The following GLCCI1 variants were observed in gnomAD, a reference collection of about 807,000 sequenced individuals.
The protein encoded by GLCCI1 is glucocorticoid induced 1.
GLCCI1 carries 24 observed loss-of-function variants against 52.2 expected under a neutral mutation model. That is an observed-to-expected ratio of 0.46 (90% CI 0.33 to 0.65). GLCCI1 has a LOEUF of 0.65. Ranked by LOEUF, GLCCI1 falls within the 30% of genes least tolerant of loss-of-function variation. GLCCI1 has a pLI of 0.02. For synonymous variants in GLCCI1, 310 were observed against 276.5 expected (o/e 1.12, Z -1.20); for missense variants, 704 against 701.5 (o/e 1.00, Z -0.04).
intron 4 of GLCCI1, among the ~76,000 whole-genome samples, chr7:8,056,623 A>G (rs1417827562): frequency 6.6e-6 from 1 of 152,198 alleles, no homozygotes; most frequent in Non-Finnish European, 1.5e-5. Context: ...TTTGTTTCAC[A>G]AAGATAAGGA....
chr7:8,079,576 A>G (rs1373437457), intron 6 of GLCCI1, among the ~76,000 whole-genome samples: 1 of 151,574 alleles, frequency 6.6e-6, no homozygotes, highest in East Asian at 1.9e-4. Context: ...AGTAGTTAGC[A>G]TATCAACAAT....
intron 6 of GLCCI1, among the ~76,000 whole-genome samples, chr7:8,078,031 G>A (rs896772978): frequency 3.6e-4 from 54 of 151,690 alleles, no homozygotes; most frequent in East Asian, 1.9e-4. Flanking sequence ...TCAGGAAATC[G>A]AGACCATCCT....
At chr7:8,001,666 C>T (rs111716528) in intron 1 of GLCCI1, among the ~76,000 whole-genome samples, 48 of 152,248 alleles carry the variant, frequency 3.2e-4, no homozygotes, top group African/African-American at 1.0e-3. Context: ...ATGTTTATTG[C>T]GGCACTATTC....
At chr7:8,064,582 AG>A (rs1351389633) in intron 5 of GLCCI1, among the ~76,000 whole-genome samples, 1 of 152,124 alleles carries the variant, frequency 6.6e-6, no homozygotes, top group Non-Finnish European at 1.5e-5. Context: ...TGGCTGTTCA[AG>A]CTCCTTTTTG....
intron 2 of GLCCI1, among the ~76,000 whole-genome samples, chr7:8,006,441 G>T (rs1284003368): frequency 1.3e-5 from 2 of 152,160 alleles, no homozygotes; most frequent in Admixed American, 6.5e-5. Context: ...TTTTTTATCT[G>T]TGCAGTGGGG....
chr7:7,980,444 G>T, intron 1 of GLCCI1: 1 of 258,908 alleles, frequency 3.9e-6, no homozygotes, highest in South Asian at 1.0e-4. Context: ...GCAGTGCCAA[G>T]CATCTAGAAG....
rs1307064484 is a variant in GLCCI1 at position 8,061,679 on chromosome 7, T to C, written c.966+1431T>C. ...ACTCTTTTTTTTTTTTTTTTTTTTT[T>C]TTTTTGAGACAGGGTCTCGTTCTGT... On this transcript the variant is annotated intron_variant, in intron 5 of 7. Coordinates refer to ENST00000223145, the MANE Select transcript of GLCCI1 (RefSeq NM_138426.4). 4.7e-4 allele frequency among the ~76,000 whole-genome samples: 49 copies of C among 105,308 alleles called. No individual in the cohort carries two copies. In the Admixed American group the frequency reaches 4.9e-3, roughly 11 times the overall value. The allele number at this position is 105,308 out of a possible 152,430, so 69.1% of individuals were successfully genotyped here.
intron 2 of GLCCI1, among the ~76,000 whole-genome samples, chr7:8,011,020 G>A (rs1235749918): frequency 2.0e-5 from 3 of 151,946 alleles, no homozygotes; most frequent in East Asian, 1.9e-4. Flanking sequence ...TCAGGAGGCT[G>A]AGGCAAGAGA....
At chr7:7,992,107 T>TTTTC (rs1491100629) in intron 1 of GLCCI1, among the ~76,000 whole-genome samples, 1 of 141,310 alleles carries the variant, frequency 7.1e-6, no homozygotes, top group South Asian at 2.3e-4. Flanking sequence ...TTCTGTCTGT[T>TTTTC]TCTCTCTCTC....
At position 8,085,135 on chromosome 7, in the gene GLCCI1, A is replaced by T. The variant is rs1783076843; in HGVS notation, c.1298+118A>T. ...CAGCTGATAATGTGTTTCAAGAGCA[A>T]ATTATGTAAAGAGAATTGAATAGGC... On this transcript the variant is annotated intron_variant, in intron 7 of 7. Coordinates refer to ENST00000223145, the MANE Select transcript of GLCCI1 (RefSeq NM_138426.4). 3 of 1,124,548 alleles carry T rather than the reference A, an allele frequency of 2.7e-6. No individual in the cohort carries two copies. In the South Asian group the frequency reaches 4.7e-5, roughly 18 times the overall value. 69.7% of individuals were successfully genotyped at this position (1,124,548 alleles called of 1,614,324 possible).
intron 2 of GLCCI1, among the ~76,000 whole-genome samples, chr7:8,018,720 A>G (rs1315602225): frequency 1.3e-5 from 2 of 152,018 alleles, no homozygotes; most frequent in African/African-American, 4.8e-5. Context: ...CTTTTTTGTT[A>G]ATAGTCTTAC....
chr7:8,040,956 T>A (rs879240026), intron 3 of GLCCI1, among the ~76,000 whole-genome samples: 1 of 152,146 alleles, frequency 6.6e-6, no homozygotes, highest in Non-Finnish European at 1.5e-5. Flanking sequence ...TTCAAATGAA[T>A]GAGAGAGTCA....
intron 6 of GLCCI1, among the ~76,000 whole-genome samples, chr7:8,075,532 C>G (rs1584023095): frequency 6.6e-6 from 1 of 152,320 alleles, no homozygotes; most frequent in East Asian, 1.9e-4. Context: ...TTATATAATA[C>G]AGATGGCAGT....
rs537920233 is a variant in GLCCI1 at position 8,071,072 on chromosome 7, C to T, written c.1118C>T (p.Pro373Leu). Reference sequence around the variant, plus strand: ...CCCTGTGTCTCCCCTTTTTGTCCCCCGGAATCCCAGGATGGTAGCCCTTGC... The same window carrying T: ...CCCTGTGTCTCCCCTTTTTGTCCCCTGGAATCCCAGGATGGTAGCCCTTGC... ...HSPCVSPFCP[P>L]ESQDGSPCST... The change falls in exon 6 of 8, where the codon CCG becomes CTG. Residue 373 changes from proline to leucine, a missense_variant. Coordinates refer to ENST00000223145, the MANE Select transcript of GLCCI1 (RefSeq NM_138426.4). 7.4e-6 allele frequency: 12 copies of T among 1,614,162 alleles called. No homozygotes were observed. The highest frequency in any genetic ancestry group is 5.0e-5 in the Admixed American group (3 of 60,018).
chr7:8,049,917 A>G (rs1364935568), intron 3 of GLCCI1, among the ~76,000 whole-genome samples: 2 of 152,234 alleles, frequency 1.3e-5, no homozygotes, highest in Non-Finnish European at 1.5e-5. Context: ...GAGGCATCAG[A>G]TGGATTTGTG....
At chr7:7,984,001 C>T (rs1237575066) in intron 1 of GLCCI1, among the ~76,000 whole-genome samples, 1 of 152,162 alleles carries the variant, frequency 6.6e-6, no homozygotes, top group Non-Finnish European at 1.5e-5. Context: ...TTCTAAGTTA[C>T]ATTTAAAGTT....
intron 5 of GLCCI1, among the ~76,000 whole-genome samples, chr7:8,069,508 G>T (rs891627363): frequency 6.6e-6 from 1 of 152,180 alleles, no homozygotes; most frequent in South Asian, 2.1e-4. Context: ...GTTCAGCCAG[G>T]GGGTGGGGCA....
chr7:8,024,487 T>C (rs1339129033), intron 3 of GLCCI1, among the ~76,000 whole-genome samples: 1 of 152,244 alleles, frequency 6.6e-6, no homozygotes, highest in African/African-American at 2.4e-5. Flanking sequence ...GTCTTAGAGT[T>C]ATCAACGAGA....
intron 3 of GLCCI1, among the ~76,000 whole-genome samples, chr7:8,023,490 C>G (rs1781539480): frequency 6.8e-6 from 1 of 148,148 alleles, no homozygotes; most frequent in Non-Finnish European, 1.5e-5. Flanking sequence ...TTTTCTATTT[C>G]TTTTTACAAA....
Sources: allele counts gnomAD v4.1 joint callset (sites outside exome capture counted in the v4.1 genomes callset), GRCh38; gene constraint gnomAD v4.1.1; transcripts MANE v1.5; gene names NCBI Gene and HGNC (gene_info 2026-07-23, HGNC 2026-07-21).